The following RUNX2 variants were observed in gnomAD, a reference collection of about 807,000 sequenced individuals.
The protein encoded by RUNX2 is RUNX family transcription factor 2.
In RUNX2, 10 loss-of-function variants were observed where a neutral mutation model predicts 51.7. That is an observed-to-expected ratio of 0.19 (90% CI 0.12 to 0.33). RUNX2 has a LOEUF of 0.33. Among genes scored for constraint, RUNX2 ranks in the 10% least tolerant of loss-of-function variants. RUNX2 has a pLI of 1.00. For missense variants in RUNX2, 562 were observed against 691.3 expected (o/e 0.81, Z 2.10); for synonymous variants, 276 against 273.6 (o/e 1.01, Z -0.09).
At chr6:45,433,774 C>T (rs1172355123) in intron 4 of RUNX2, among the ~76,000 whole-genome samples, 1 of 152,008 alleles carries the variant, frequency 6.6e-6, no homozygotes, top group Admixed American at 6.5e-5. Flanking sequence ...TCCCAAATAG[C>T]AATTTTTATA....
intron 5 of RUNX2, among the ~76,000 whole-genome samples, chr6:45,443,644 A>G (rs763084044): frequency 1.3e-5 from 2 of 152,228 alleles, no homozygotes; most frequent in African/African-American, 2.4e-5. Flanking sequence ...CTCCAAATTT[A>G]CTAGTCTAAT....
chr6:45,459,468 A>T (rs75022788), intron 5 of RUNX2, among the ~76,000 whole-genome samples: 3,923 of 152,328 alleles, frequency 0.026, 141 homozygotes, highest in African/African-American at 0.089. Context: ...TATAAGGCAC[A>T]AAGTTTTACT....
intron 5 of RUNX2, among the ~76,000 whole-genome samples, chr6:45,475,235 G>A (rs1014578586): frequency 6.6e-6 from 1 of 152,044 alleles, no homozygotes; most frequent in Non-Finnish European, 1.5e-5. Context: ...GCATAAGAAA[G>A]TGGCAACTGG....
At position 45,422,806 on chromosome 6, in the gene RUNX2, C is replaced by A; in HGVS notation, c.272C>A (p.Pro91His). 1 of 1,584,878 alleles carries A rather than the reference C, an allele frequency of 6.3e-7. No individual in the cohort carries two copies. ...AAAAAAAAAV[P>H]RLRPPHDNRT... ...GCTGCGGCGGCGGCAGCTGCAGTGC[C>A]CCGGTTGCGGCCGCCCCACGACAAC... The change falls in exon 3 of 9, where the codon CCC (proline) becomes CAC (histidine). Residue 91 changes from proline to histidine, a missense_variant. Physicochemically the swap from Pro to His is moderately conservative, Grantham distance 77. Coordinates refer to ENST00000647337, the MANE Select transcript of RUNX2 (RefSeq NM_001024630.4).
chr6:45,472,815 AG>A (rs1302819343), intron 5 of RUNX2, among the ~76,000 whole-genome samples: 2 of 152,124 alleles, frequency 1.3e-5, no homozygotes, highest in African/African-American at 4.8e-5. Flanking sequence ...ATTCAAAGAG[AG>A]GTGGGTGGGT....
At chr6:45,339,891 G>A (rs994664410) in intron 2 of RUNX2, among the ~76,000 whole-genome samples, 37 of 152,060 alleles carry the variant, frequency 2.4e-4, no homozygotes, top group African/African-American at 7.0e-4. Context: ...TTACTGTACC[G>A]GGTACTATGC....
chr6:45,474,853 A>G (rs905531411), intron 5 of RUNX2, among the ~76,000 whole-genome samples: 1 of 152,150 alleles, frequency 6.6e-6, no homozygotes, highest in Non-Finnish European at 1.5e-5. Context: ...TAATTTATTT[A>G]TTCAACAAAC....
chr6:45,342,621 T>C (rs553093783), intron 2 of RUNX2, among the ~76,000 whole-genome samples: 4 of 152,112 alleles, frequency 2.6e-5, no homozygotes, highest in Non-Finnish European at 5.9e-5. Context: ...CTCAAAACAG[T>C]CATAATATAA....
intron 6 of RUNX2, among the ~76,000 whole-genome samples, chr6:45,509,358 T>C (rs1214711707): frequency 1.3e-5 from 2 of 152,230 alleles, no homozygotes; most frequent in Non-Finnish European, 2.9e-5. Context: ...ATACTTAATA[T>C]GTGCTAAGAG....
At chr6:45,408,966 T>C (rs1200888581) in intron 2 of RUNX2, among the ~76,000 whole-genome samples, 1 of 152,252 alleles carries the variant, frequency 6.6e-6, no homozygotes, top group East Asian at 1.9e-4. Flanking sequence ...ATATGTTTAC[T>C]GTATGAATAT....
At chr6:45,406,186 C>A (rs1295750083) in intron 2 of RUNX2, among the ~76,000 whole-genome samples, 1 of 152,154 alleles carries the variant, frequency 6.6e-6, no homozygotes, top group African/African-American at 2.4e-5. Context: ...CCAGTAAACA[C>A]CCTCTGTTGT....
At chr6:45,501,791 G>A (rs1033634531) in intron 6 of RUNX2, among the ~76,000 whole-genome samples, 3 of 152,206 alleles carry the variant, frequency 2.0e-5, no homozygotes, top group Non-Finnish European at 4.4e-5. Context: ...GGGATGAAGT[G>A]TGAGAAGTTC....
At chr6:45,384,733 T>C (rs1233000535) in intron 2 of RUNX2, among the ~76,000 whole-genome samples, 1 of 117,994 alleles carries the variant, frequency 8.5e-6, no homozygotes, top group African/African-American at 3.7e-5. Flanking sequence ...TTTTTTTTTT[T>C]TAAAGACCGG....
At chr6:45,484,999 T>G (rs1023302726) in intron 5 of RUNX2, among the ~76,000 whole-genome samples, 1 of 152,200 alleles carries the variant, frequency 6.6e-6, no homozygotes, top group African/African-American at 2.4e-5. Context: ...TTACATCCTG[T>G]GGCTTGAGCC....
At chr6:45,412,515 A>G (rs961182690) in intron 2 of RUNX2, among the ~76,000 whole-genome samples, 1 of 152,234 alleles carries the variant, frequency 6.6e-6, no homozygotes, top group Admixed American at 6.5e-5. Flanking sequence ...TTAAGACTCA[A>G]ACCTAGTCAT....
intron 5 of RUNX2, among the ~76,000 whole-genome samples, chr6:45,445,164 A>G (rs1409473835): frequency 6.6e-6 from 1 of 152,070 alleles, no homozygotes; most frequent in Non-Finnish European, 1.5e-5. Context: ...AGCTGGGATT[A>G]CAAGTGTGTG....
intron 2 of RUNX2, among the ~76,000 whole-genome samples, chr6:45,399,759 AAAGG>A (rs77744169): frequency 6.9e-6 from 1 of 145,178 alleles, no homozygotes; most frequent in African/African-American, 2.6e-5. Flanking sequence ...GGAAGAGAGG[AAAGG>A]AAGGAAGGAG....
At chr6:45,359,861 C>G (rs1039966815) in intron 2 of RUNX2, among the ~76,000 whole-genome samples, 1 of 152,026 alleles carries the variant, frequency 6.6e-6, no homozygotes, top group Non-Finnish European at 1.5e-5. Flanking sequence ...CTGGGCAACA[C>G]GACAAAATCC....
intron 2 of RUNX2, among the ~76,000 whole-genome samples, chr6:45,336,199 CTT>C (rs1052134894): frequency 2.6e-5 from 4 of 151,368 alleles, no homozygotes; most frequent in Non-Finnish European, 5.9e-5. Flanking sequence ...ATTTTAAAAA[CTT>C]TTTACCACTA....
Sources: gnomAD v4.1 joint callset for allele counts (sites outside exome capture counted in the v4.1 genomes callset) on GRCh38, gnomAD v4.1.1 for gene constraint, MANE v1.5 for transcripts, NCBI Gene and HGNC (gene_info 2026-07-23, HGNC 2026-07-21) for gene names.